The following MYLK variants were observed in gnomAD, a reference collection of about 807,000 sequenced individuals.
The protein encoded by MYLK is myosin light chain kinase, smooth muscle.
A neutral mutation model predicts 203.4 loss-of-function variants in MYLK; 106 were observed. The ratio of observed to expected loss-of-function variants is 0.52; its 90% CI spans 0.45 to 0.61. The LOEUF (loss-of-function observed/expected upper bound fraction) is 0.61, where lower values mean the gene tolerates loss of function less well. Ranked by LOEUF, MYLK falls within the 20% of genes least tolerant of loss-of-function variation. The pLI is 0.00. For missense variants in MYLK, 2,072 were observed against 2,442.3 expected (o/e 0.85, Z 3.20); for synonymous variants, 867 against 959.5 (o/e 0.90, Z 1.78).
At chr3:123,652,747 C>T (rs1469021607) in intron 24 of MYLK, among the ~76,000 whole-genome samples, 1 of 152,186 alleles carries the variant, frequency 6.6e-6, no homozygotes, top group African/African-American at 2.4e-5. Context: ...ATTTGAGTGA[C>T]AGCAGGATTT....
At chr3:123,615,066 T>TGACCTC (rs1419127838) in intron 33 of MYLK, among the ~76,000 whole-genome samples, 5 of 151,652 alleles carry the variant, frequency 3.3e-5, no homozygotes, top group African/African-American at 9.7e-5. Context: ...CCTCTGACCT[T>TGACCTC]GACCTCCCAA....
intron 2 of MYLK, among the ~76,000 whole-genome samples, chr3:123,862,494 T>C (rs1430088446): frequency 1.3e-5 from 2 of 152,180 alleles, no homozygotes; most frequent in Admixed American, 6.5e-5. Context: ...CAGAGTGAGC[T>C]GCAAGGCCTG....
chr3:123,713,528 T>A lies in MYLK; in HGVS notation c.1805-3635A>T, dbSNP rs820342. Among the ~76,000 whole-genome samples the A allele has an allele frequency of 1.9e-3, 276 of 145,718 alleles. 1 individual carries two copies. The highest frequency in any genetic ancestry group is 6.7e-3 in the African/African-American group (265 of 39,394). On this transcript the variant is annotated intron_variant, in intron 13 of 33. Coordinates refer to ENST00000360304, the MANE Select transcript of MYLK (RefSeq NM_053025.4). ...ACCCACATCCTAGATCCTTGACAAC[T>A]GAGAAAAACTAAAGCAGAACAGAGA...
Position 123,708,708 on chromosome 3 carries a change from G to A in MYLK, c.2130C>T (p.Leu710=). 6.2e-7 allele frequency: 1 copy of A among 1,614,098 alleles called. No homozygotes were observed. The highest frequency in any genetic ancestry group is 8.5e-7 in the Non-Finnish European group (1 of 1,180,042). ...SAGEVRTQAV[L]TVQEPHDGTQ... is the part of the protein sequence containing the mutation. Reference sequence around the variant, plus strand: ...GTGGGTCAGCCTCACCTTGTACCGTGAGCACGGCCTGGGTGCGGACCTCTC... The same window carrying A: ...GTGGGTCAGCCTCACCTTGTACCGTAAGCACGGCCTGGGTGCGGACCTCTC... Residue 710 remains leucine, a synonymous_variant, in exon 15 of 34, where the codon CTC becomes CTT. Coordinates refer to ENST00000360304, the MANE Select transcript of MYLK (RefSeq NM_053025.4).
At position 123,708,775 on chromosome 3, in the gene MYLK, T is replaced by A; in HGVS notation, c.2063A>T (p.Glu688Val). ...HSLCIQEVFP[E>V]DTGTYTCEAW... ...CTCGCAGGTGTACGTGCCCGTGTCCTCCGGGAACACTTCCTGGATACAAAG... is the reference window on the plus strand; with the variant it reads ...CTCGCAGGTGTACGTGCCCGTGTCCACCGGGAACACTTCCTGGATACAAAG... The change falls in exon 15 of 34, where the codon GAG (glutamate) becomes GTG (valine). Residue 688 changes from glutamate (E) to valine (V), a missense_variant. By Grantham distance (121) the Glu-to-Val change is moderately radical (BLOSUM62 -2). Around this residue, in one of 3 missense-constraint regions of MYLK, gnomAD observed 865 missense variants for 1,016.0 expected, o/e 0.85. Transcript: ENST00000360304. 1 of 1,614,160 alleles carries A rather than the reference T, an allele frequency of 6.2e-7. No individual in the cohort carries two copies. Among genetic ancestry groups the A allele is most frequent in the Non-Finnish European group, 8.5e-7 (1 of 1,180,030 alleles).
intron 18 of MYLK, among the ~76,000 whole-genome samples, chr3:123,699,443 T>C (rs1049086508): frequency 2.0e-5 from 3 of 152,166 alleles, no homozygotes; most frequent in African/African-American, 7.2e-5. Flanking sequence ...TAGGGGCTGT[T>C]TTGGGATTTT....
chr3:123,748,103 T>C (rs1378813), intron 5 of MYLK, among the ~76,000 whole-genome samples: 135,760 of 152,258 alleles, frequency 0.89, 62,462 homozygotes, highest in East Asian at 1. Flanking sequence ...GTATCTGCTC[T>C]TGGTGAGGGC....
intron 4 of MYLK, among the ~76,000 whole-genome samples, chr3:123,770,539 A>T (rs1452689443): frequency 1.3e-5 from 2 of 152,216 alleles, no homozygotes; most frequent in Admixed American, 6.5e-5. Flanking sequence ...CCACATGGGC[A>T]TCACTGACAG....
At chr3:123,780,294 C>CATGGTGGCACGTGCCTGT (rs1333057299) in intron 4 of MYLK, among the ~76,000 whole-genome samples, 15 of 152,082 alleles carry the variant, frequency 9.9e-5, no homozygotes, top group Non-Finnish European at 2.1e-4. Context: ...ATTAGCCCGG[C>CATGGTGGCACGTGCCTGT]ATGGTGGCAC....
At chr3:123,752,110 C>G (rs1159896388) in intron 5 of MYLK, among the ~76,000 whole-genome samples, 1 of 152,096 alleles carries the variant, frequency 6.6e-6, no homozygotes, top group African/African-American at 2.4e-5. Flanking sequence ...AAGCAGGAGA[C>G]AGGTGATACC....
intron 5 of MYLK, among the ~76,000 whole-genome samples, chr3:123,749,222 T>A (rs2063121507): frequency 6.6e-6 from 1 of 151,140 alleles, no homozygotes; most frequent in African/African-American, 2.4e-5. Flanking sequence ...GAGGCTGCAG[T>A]GAGCTGTGAT....
At chr3:123,728,641 G>C (rs2062377008) in intron 11 of MYLK, among the ~76,000 whole-genome samples, 1 of 152,156 alleles carries the variant, frequency 6.6e-6, no homozygotes, top group African/African-American at 2.4e-5. Flanking sequence ...GGTAAGAACA[G>C]CAAGCTATGT....
At chr3:123,880,013 T>C (rs984940208) in intron 1 of MYLK, among the ~76,000 whole-genome samples, 1 of 152,218 alleles carries the variant, frequency 6.6e-6, no homozygotes, top group Non-Finnish European at 1.5e-5. Context: ...ACATCATTAG[T>C]GTCTGCTGGT....
intron 32 of MYLK, 40 bp from the exon 33 acceptor site, chr3:123,618,810 G>C: frequency 6.2e-7 from 1 of 1,612,862 alleles, no homozygotes; most frequent in South Asian, 1.1e-5. Context: ...TTCTTCACTC[G>C]TTGTTCTCGC....
chr3:123,728,350 A>C (rs1244179313), intron 11 of MYLK, among the ~76,000 whole-genome samples: 2 of 152,160 alleles, frequency 1.3e-5, no homozygotes, highest in Non-Finnish European at 2.9e-5. Context: ...CAAAAAAAAT[A>C]AAATTAAAAT....
chr3:123,632,805 A>ATTTTT (rs35310974), intron 29 of MYLK, among the ~76,000 whole-genome samples: 14 of 137,024 alleles, frequency 1.0e-4, no homozygotes, highest in African/African-American at 3.1e-4. Context: ...ATGTCTTTTA[A>ATTTTT]TTTTTTTTTT....
intron 20 of MYLK, among the ~76,000 whole-genome samples, chr3:123,674,780 T>C (rs992767053): frequency 2.6e-5 from 4 of 152,266 alleles, no homozygotes; most frequent in African/African-American, 7.2e-5. Flanking sequence ...TTCTCTTGGA[T>C]GGCTCTTGCA....
rs1038262877 is a variant in MYLK, at chr3:123,702,123, G to T, written c.2391-614C>A. ...GTGGGGAGGGCTCTGGATTCTTCAT[G>T]TCCATAAACCTGGTCAGTCTCCTGC... On this transcript the variant is annotated intron_variant, in intron 16 of 33. Transcript: ENST00000360304. Among the ~76,000 whole-genome samples, 10 of 152,262 alleles carry T rather than the reference G, an allele frequency of 6.6e-5. No individual in the cohort carries two copies. In the East Asian group the frequency reaches 1.9e-3, roughly 29 times the overall value.
At chr3:123,666,368 G>C in intron 21 of MYLK, 22 bp from the exon 22 acceptor site, 1 of 1,614,130 alleles carries the variant, frequency 6.2e-7, no homozygotes. Context: ...CAGGGAGAAA[G>C]TGAGCGAGGC....
Sources: allele counts gnomAD v4.1 joint callset (sites outside exome capture counted in the v4.1 genomes callset), GRCh38; gene constraint gnomAD v4.1.1; regional missense constraint gnomAD v4.1.1; transcripts MANE v1.5; gene names NCBI Gene and HGNC (gene_info 2026-07-23, HGNC 2026-07-21).